Variants in DTD1 observed in about 807,000 individuals in gnomAD.
DTD1 encodes D-tyrosyl-tRNA deacylase 1 homolog.
In DTD1, 13 loss-of-function variants were observed where a neutral mutation model predicts 25.6. That is an observed-to-expected ratio of 0.51 (90% CI 0.33 to 0.81). The LOEUF is 0.81. Ranked by LOEUF, DTD1 falls within the 30% of genes least tolerant of loss-of-function variation. DTD1 has a pLI of 0.02. For synonymous variants in DTD1, 110 were observed against 103.6 expected (o/e 1.06, Z -0.37); for missense variants, 193 against 266.4 (o/e 0.72, Z 1.92).
chr20:18,642,274 A>G (rs2060831725), intron 4 of DTD1, among the ~76,000 whole-genome samples: 1 of 152,022 alleles, frequency 6.6e-6, no homozygotes, highest in Non-Finnish European at 1.5e-5. Flanking sequence ...CAGCCTCCAT[A>G]ATTTACCAGT....
chr20:18,654,611 G>C (rs2060885472), intron 4 of DTD1, among the ~76,000 whole-genome samples: 2 of 152,172 alleles, frequency 1.3e-5, no homozygotes, highest in African/African-American at 4.8e-5. Flanking sequence ...ATGGTGTTAA[G>C]GAGAGTCTCT....
chr20:18,728,689 A>G (rs1057085708), intron 4 of DTD1, among the ~76,000 whole-genome samples: 1 of 152,146 alleles, frequency 6.6e-6, no homozygotes, highest in African/African-American at 2.4e-5. Context: ...TCATTTGCAT[A>G]GGAAACTCAC....
intron 4 of DTD1, among the ~76,000 whole-genome samples, chr20:18,736,696 T>G (rs1346308247): frequency 6.6e-6 from 1 of 152,094 alleles, no homozygotes; most frequent in African/African-American, 2.4e-5. Flanking sequence ...AGTGGCCTGC[T>G]GCCTGCTTAA....
At chr20:18,588,776 G>T in intron 1 of DTD1, 1 of 985,228 alleles carries the variant, frequency 1.0e-6, no homozygotes. Context: ...TTTTTCTTGT[G>T]GACCAAGCTA....
chr20:18,637,685 T>A (rs1487478469), intron 4 of DTD1, among the ~76,000 whole-genome samples: 1 of 152,202 alleles, frequency 6.6e-6, no homozygotes, highest in Non-Finnish European at 1.5e-5. Flanking sequence ...TTAATGAAAT[T>A]CATGAATGTG....
At chr20:18,753,379 G>C (rs1056040833) in intron 5 of DTD1, among the ~76,000 whole-genome samples, 1 of 151,962 alleles carries the variant, frequency 6.6e-6, no homozygotes, top group African/African-American at 2.4e-5. Context: ...AGGCCGAGGC[G>C]GGTGGATCAC....
intron 4 of DTD1, among the ~76,000 whole-genome samples, chr20:18,673,628 C>T (rs17809042): frequency 0.019 from 2,916 of 152,170 alleles, 53 homozygotes; most frequent in South Asian, 0.043. Context: ...TCTAAAATGA[C>T]GTTAAAAAAA....
chr20:18,725,010 A>T lies in DTD1; in HGVS notation c.478-19090A>T, dbSNP rs544052207. 1.8e-4 allele frequency among the ~76,000 whole-genome samples: 28 copies of T among 152,372 alleles called. 1 individual carries two copies. The East Asian group carries it at 5.4e-3, about 29-fold the overall frequency. ...GGTTCTTGGCTTTACCCAGGAAAGA[A>T]CCCTGGTGAGCTGGAAGTAGAAGAA... On this transcript the variant is annotated intron_variant, in intron 4 of 5. Coordinates refer to ENST00000377452, the MANE Select transcript of DTD1 (RefSeq NM_080820.6).
At chr20:18,636,513 A>G (rs184485652) in intron 4 of DTD1, among the ~76,000 whole-genome samples, 157 of 152,328 alleles carry the variant, frequency 1.0e-3, no homozygotes, top group African/African-American at 3.6e-3. Context: ...CATAGATAAA[A>G]CCCTTATCTA....
At chr20:18,639,224 CCT>C (rs2060819909) in intron 4 of DTD1, among the ~76,000 whole-genome samples, 1 of 149,930 alleles carries the variant, frequency 6.7e-6, no homozygotes, top group Admixed American at 6.6e-5. Flanking sequence ...GAAGCAGTCT[CCT>C]TTTTCCTGGT....
chr20:18,636,446 G>T (rs1378241799), intron 4 of DTD1, among the ~76,000 whole-genome samples: 1 of 152,192 alleles, frequency 6.6e-6, no homozygotes, highest in African/African-American at 2.4e-5. Context: ...GAGAATGAAA[G>T]ATCTGGAAGT....
intron 4 of DTD1, among the ~76,000 whole-genome samples, chr20:18,719,227 G>A (rs1198488240): frequency 6.7e-6 from 1 of 148,918 alleles, no homozygotes; most frequent in Non-Finnish European, 1.5e-5. Context: ...ATATTTCTGT[G>A]TGTGTGTGTA....
At chr20:18,679,115 C>T (rs1268250906) in intron 4 of DTD1, 2 of 152,206 alleles carry the variant, frequency 1.3e-5, no homozygotes, top group Non-Finnish European at 2.9e-5. Flanking sequence ...GAGCCAGCAA[C>T]TTATTTCTGG....
At chr20:18,697,947 A>G (rs1207898711) in intron 4 of DTD1, among the ~76,000 whole-genome samples, 1 of 152,202 alleles carries the variant, frequency 6.6e-6, no homozygotes, top group Non-Finnish European at 1.5e-5. Flanking sequence ...CATGCTATTT[A>G]TTAAATCAGT....
At chr20:18,700,236 G>A (rs1300234044) in intron 4 of DTD1, among the ~76,000 whole-genome samples, 1 of 152,170 alleles carries the variant, frequency 6.6e-6, no homozygotes, top group African/African-American at 2.4e-5. Context: ...GGTCAAGATG[G>A]TATCAGTCAG....
At chr20:18,740,795 C>T (rs536274279) in intron 4 of DTD1, among the ~76,000 whole-genome samples, 3 of 152,228 alleles carry the variant, frequency 2.0e-5, no homozygotes, top group African/African-American at 7.2e-5. Flanking sequence ...GGGAATGAGA[C>T]AGAAGGAGTC....
intron 1 of DTD1, among the ~76,000 whole-genome samples, chr20:18,589,551 A>G (rs1033790947): frequency 6.6e-6 from 1 of 152,238 alleles, no homozygotes; most frequent in African/African-American, 2.4e-5. Flanking sequence ...GGAATAGAGT[A>G]GCACTGGGAT....
At chr20:18,588,786 A>G in intron 1 of DTD1, 1 of 984,806 alleles carries the variant, frequency 1.0e-6, no homozygotes. Flanking sequence ...GGACCAAGCT[A>G]CCCGACCCCT....
At chr20:18,651,661 C>T (rs2060874477) in intron 4 of DTD1, among the ~76,000 whole-genome samples, 1 of 152,152 alleles carries the variant, frequency 6.6e-6, no homozygotes, top group Admixed American at 6.5e-5. Flanking sequence ...CAGCTTGGGC[C>T]CCTCCCCAAA....
Sources: gnomAD v4.1 joint callset for allele counts (sites outside exome capture counted in the v4.1 genomes callset) on GRCh38, gnomAD v4.1.1 for gene constraint, MANE v1.5 for transcripts, NCBI Gene and HGNC (gene_info 2026-07-23, HGNC 2026-07-21) for gene names.